Variants in HMBOX1 observed in about 807,000 individuals in gnomAD.
The protein encoded by HMBOX1 is homeobox containing 1, also known as homeobox-containing protein 1.
A neutral mutation model predicts 54.5 loss-of-function variants in HMBOX1; 14 were observed. That is an observed-to-expected ratio of 0.26 (90% CI 0.17 to 0.40). The LOEUF is 0.40. Among genes scored for constraint, HMBOX1 ranks in the 10% least tolerant of loss-of-function variants. The probability of loss-of-function intolerance (pLI) is 1.00; values close to 1 mark genes in which losing one functional copy is unlikely to be tolerated. For missense variants in HMBOX1, 332 were observed against 514.4 expected, an observed-to-expected ratio of 0.65 and a Z score of 3.43; for synonymous variants, 160 against 181.0, an observed-to-expected ratio of 0.88 and a Z score of 0.93.
At chr8:29,047,564 C>CTTTTTT (rs33978272) in intron 8 of HMBOX1, 111 bp downstream of exon 8, 8 of 308,360 alleles carry the variant, frequency 2.6e-5, no homozygotes, top group South Asian at 1.0e-4. Context: ...CCTAACTTCT[C>CTTTTTT]TTTTTTTTTT....
intron 5 of HMBOX1, among the ~76,000 whole-genome samples, chr8:29,015,058 T>C (rs150060548): frequency 2.3e-4 from 35 of 152,296 alleles, no homozygotes; most frequent in African/African-American, 7.9e-4. Context: ...CCCTCTTCCT[T>C]TTCCTTCCTG....
In HMBOX1 at chr8:29,051,278, TA is replaced by T. The variant is rs1806399673; in HGVS notation, c.*124del. 2.9e-6 allele frequency: 3 copies of T among 1,052,372 alleles called. No homozygotes were observed. Among genetic ancestry groups the T allele is most frequent in the Non-Finnish European group, 4.2e-6 (3 of 718,024 alleles). 65.2% of individuals were successfully genotyped at this position (1,052,372 alleles called of 1,614,324 possible). Reference sequence around the variant, plus strand: ...AGTTTCTTGTATGTCAGGTAGCTGTTAGGGTCTTGTTCTGTGAAGATGGCAT... The same window carrying T: ...AGTTTCTTGTATGTCAGGTAGCTGTTGGGTCTTGTTCTGTGAAGATGGCAT... On this transcript the variant is annotated 3_prime_UTR_variant, in exon 10 of 10. Coordinates refer to ENST00000287701, the MANE Select transcript of HMBOX1 (RefSeq NM_001135726.3).
chr8:28,902,302 G>T (rs1323513242), intron 1 of HMBOX1, among the ~76,000 whole-genome samples: 7 of 152,094 alleles, frequency 4.6e-5, no homozygotes, highest in Non-Finnish European at 8.8e-5. Flanking sequence ...ATCTAGTACT[G>T]AGGGTACTGG....
chr8:28,970,243 G>C lies in HMBOX1; in HGVS notation c.224G>C (p.Ser75Thr). The change falls in exon 3 of 10, where the codon AGT becomes ACT. Residue 75 changes from serine (S) to threonine (T), a missense_variant. By Grantham distance (58) the Ser-to-Thr change is moderately conservative (BLOSUM62 1). This residue lies in a region of HMBOX1 where 146 missense variants were observed against 173.3 expected (regional missense o/e 0.84). Coordinates refer to ENST00000287701, the MANE Select transcript of HMBOX1 (RefSeq NM_001135726.3). The surrounding 1 kb of genome is among the most constrained non-coding windows in gnomAD (Gnocchi z 4.3). Reference sequence around the variant, plus strand: ...TATGGAGGAAGTTCATATGGGAATAGTACTAACAATGTCCCAGCATCTTCC... The same window carrying C: ...TATGGAGGAAGTTCATATGGGAATACTACTAACAATGTCCCAGCATCTTCC... ...SSYGGSSYGN[S>T]TNNVPASSST... 6.2e-7 allele frequency: 1 copy of C among 1,614,174 alleles called. No homozygotes were observed. The highest frequency in any genetic ancestry group is 1.1e-5 in the South Asian group (1 of 91,090).
At chr8:29,007,366 G>T (rs533174917) in intron 4 of HMBOX1, among the ~76,000 whole-genome samples, 5 of 152,228 alleles carry the variant, frequency 3.3e-5, no homozygotes, top group African/African-American at 1.2e-4. Context: ...GGTGAAAGCC[G>T]AATTAATTAT....
intron 1 of HMBOX1, among the ~76,000 whole-genome samples, chr8:28,894,565 G>A (rs1171954349): frequency 6.6e-6 from 1 of 152,140 alleles, no homozygotes; most frequent in Non-Finnish European, 1.5e-5. Context: ...TAAGTAAGAC[G>A]TAGCATGGAT....
intron 6 of HMBOX1, among the ~76,000 whole-genome samples, chr8:29,039,255 A>T (rs577302051): frequency 6.6e-6 from 1 of 152,314 alleles, no homozygotes; most frequent in African/African-American, 2.4e-5. Context: ...CTAGGACTCA[A>T]CATTATTAGG....
intron 1 of HMBOX1, among the ~76,000 whole-genome samples, chr8:28,952,605 A>G (rs191580101): frequency 2.1e-4 from 32 of 150,916 alleles, no homozygotes; most frequent in African/African-American, 4.6e-4. Flanking sequence ...TGACTTGTGG[A>G]AAAAAAAAAT....
intron 1 of HMBOX1, among the ~76,000 whole-genome samples, chr8:28,945,575 C>A (rs1007874817): frequency 3.3e-5 from 5 of 152,120 alleles, no homozygotes; most frequent in African/African-American, 1.2e-4. Flanking sequence ...AATAAAAGAA[C>A]CTGCTAAGGA....
At chr8:28,891,975 C>T (rs1246398547) in intron 1 of HMBOX1, among the ~76,000 whole-genome samples, 1 of 151,996 alleles carries the variant, frequency 6.6e-6, no homozygotes, top group Non-Finnish European at 1.5e-5. Context: ...CTCTGGCTTC[C>T]CTCTTCCTTC....
At chr8:29,046,274 T>C (rs1805551460) in intron 7 of HMBOX1, 1 of 152,242 alleles carries the variant, frequency 6.6e-6, no homozygotes, top group African/African-American at 2.4e-5. Context: ...GTTTCAAACA[T>C]GCCAAAAGTC....
chr8:29,035,244 A>G (rs1032925702), intron 6 of HMBOX1, among the ~76,000 whole-genome samples: 2 of 152,176 alleles, frequency 1.3e-5, no homozygotes, highest in Non-Finnish European at 2.9e-5. Context: ...AAGAAAAACC[A>G]TGCAAAAAAA....
chr8:28,981,934 A>T (rs1829403797), intron 4 of HMBOX1, among the ~76,000 whole-genome samples: 1 of 152,156 alleles, frequency 6.6e-6, no homozygotes, highest in South Asian at 2.1e-4. Flanking sequence ...AGCTTGCTAG[A>T]ATCGTAAAAA....
At chr8:29,019,628 C>T (rs1480327404) in intron 6 of HMBOX1, among the ~76,000 whole-genome samples, 1 of 152,116 alleles carries the variant, frequency 6.6e-6, no homozygotes, top group Non-Finnish European at 1.5e-5. Context: ...GTACATTTTT[C>T]TTATCTGACC....
At chr8:29,016,014 A>T (rs1834941333) in intron 5 of HMBOX1, among the ~76,000 whole-genome samples, 1 of 152,252 alleles carries the variant, frequency 6.6e-6, no homozygotes, top group Non-Finnish European at 1.5e-5. Context: ...CAGAAATGTT[A>T]AGTAGTTAAA....
At chr8:29,024,433 G>A (rs1469320857) in intron 6 of HMBOX1, among the ~76,000 whole-genome samples, 1 of 152,222 alleles carries the variant, frequency 6.6e-6, no homozygotes, top group African/African-American at 2.4e-5. Flanking sequence ...CGGGCCTTAT[G>A]TAGGAGATGT....
intron 1 of HMBOX1, among the ~76,000 whole-genome samples, chr8:28,906,240 A>G (rs1459970071): frequency 6.6e-6 from 1 of 152,192 alleles, no homozygotes; most frequent in Non-Finnish European, 1.5e-5. Context: ...TTTGGGGAAA[A>G]TGTTAGCCCT....
intron 4 of HMBOX1, among the ~76,000 whole-genome samples, chr8:28,998,037 T>C (rs1292078630): frequency 6.6e-6 from 1 of 152,240 alleles, no homozygotes; most frequent in Admixed American, 6.5e-5. Flanking sequence ...TAAAGCATTC[T>C]GGCTTTTCTT....
intron 1 of HMBOX1, among the ~76,000 whole-genome samples, chr8:28,924,113 T>G (rs200492141): frequency 1.6e-5 from 2 of 123,636 alleles, no homozygotes; most frequent in South Asian, 2.3e-4. Context: ...TTTTTTTTGG[T>G]TTTTTTTTTT....
Sources: allele counts gnomAD v4.1 joint callset (sites outside exome capture counted in the v4.1 genomes callset), GRCh38; gene constraint gnomAD v4.1.1; regional missense constraint gnomAD v4.1.1; non-coding constraint Gnocchi (gnomAD v3.1); transcripts MANE v1.5; gene names NCBI Gene and HGNC (gene_info 2026-07-23, HGNC 2026-07-21).